Variants in GABRG3 observed in about 807,000 individuals in gnomAD.
The protein encoded by GABRG3 is gamma-aminobutyric acid type A receptor subunit gamma3.
GABRG3 carries 25 observed loss-of-function variants against 48.8 expected under a neutral mutation model. The observed-to-expected ratio is 0.51, with a 90% confidence interval of 0.37 to 0.72. The LOEUF (loss-of-function observed/expected upper bound fraction) is 0.72. Among genes scored for constraint, GABRG3 ranks in the 30% least tolerant of loss-of-function variants. The pLI is 0.00. For missense variants in GABRG3, 394 were observed against 577.9 expected (o/e 0.68, Z 3.26); for synonymous variants, 227 against 217.6 (o/e 1.04, Z -0.38).
chr15:27,270,586 G>A (rs1891051188), intron 3 of GABRG3, among the ~76,000 whole-genome samples: 1 of 152,194 alleles, frequency 6.6e-6, no homozygotes, highest in South Asian at 2.1e-4. Flanking sequence ...AGAGGCTAGG[G>A]AGGGCAGGGA....
intron 3 of GABRG3, among the ~76,000 whole-genome samples, chr15:27,085,359 GTGTGCTAT>G (rs1897058610): frequency 6.6e-6 from 1 of 152,174 alleles, no homozygotes; most frequent in African/African-American, 2.4e-5. Context: ...TTTTTAACCA[GTGTGCTAT>G]TGATGGTGTC....
chr15:27,431,891 TCTTTGAC>T (rs1392308910), intron 5 of GABRG3, among the ~76,000 whole-genome samples: 2 of 152,258 alleles, frequency 1.3e-5, no homozygotes, highest in Non-Finnish European at 2.9e-5. Context: ...TGGGATTTCT[TCTTTGAC>T]CTTTTATTCT....
intron 3 of GABRG3, among the ~76,000 whole-genome samples, chr15:27,281,480 T>A (rs1891431972): frequency 1.3e-5 from 2 of 151,772 alleles, no homozygotes; most frequent in African/African-American, 4.8e-5. Flanking sequence ...GTTAATTTTT[T>A]TTTTTTTACA....
At chr15:27,230,798 G>GA (rs5811482) in intron 3 of GABRG3, among the ~76,000 whole-genome samples, 3 of 151,096 alleles carry the variant, frequency 2.0e-5, no homozygotes, top group East Asian at 1.9e-4. Context: ...ACTTAGCTCA[G>GA]AAAAAAAAAT....
chr15:27,461,020 C>T (rs907795477), intron 5 of GABRG3, among the ~76,000 whole-genome samples: 1 of 152,202 alleles, frequency 6.6e-6, no homozygotes, highest in Admixed American at 6.5e-5. Flanking sequence ...TCTGTTTGCT[C>T]ATGCAAACTT....
chr15:27,405,424 TA>T (rs1887600987), intron 5 of GABRG3, among the ~76,000 whole-genome samples: 1 of 152,214 alleles, frequency 6.6e-6, no homozygotes, highest in African/African-American at 2.4e-5. Context: ...AAGATCCCAG[TA>T]AATATGAAGT....
intron 6 of GABRG3, among the ~76,000 whole-genome samples, chr15:27,518,382 ATGG>A (rs1368795412): frequency 1.3e-5 from 2 of 151,318 alleles, no homozygotes; most frequent in African/African-American, 2.4e-5. Flanking sequence ...AAAAAAAAAA[ATGG>A]GACATCAGTG....
chr15:27,419,688 C>G (rs1264852625), intron 5 of GABRG3, among the ~76,000 whole-genome samples: 1 of 152,170 alleles, frequency 6.6e-6, no homozygotes, highest in African/African-American at 2.4e-5. Context: ...ATGATTTTCA[C>G]TAAAGGAGAA....
At chr15:27,333,171 G>T (rs1893856394) in intron 5 of GABRG3, among the ~76,000 whole-genome samples, 1 of 152,172 alleles carries the variant, frequency 6.6e-6, no homozygotes, top group Non-Finnish European at 1.5e-5. Flanking sequence ...GAACCATAAA[G>T]AATATTCAAT....
chr15:26,975,584 A>T lies in GABRG3; in HGVS notation c.54-1418A>T, dbSNP rs1424451680. On this transcript the variant is annotated intron_variant, in intron 1 of 9. Transcript: ENST00000615808. The surrounding 1 kb of genome is among the most constrained non-coding windows in gnomAD (Gnocchi z 4.6). ...TTAACACGCTTTAAAAGACTCATGT[A>T]TATATTACATAAATATGCATGTGCA... 2.0e-5 allele frequency among the ~76,000 whole-genome samples: 3 copies of T among 152,236 alleles called. No homozygotes were observed. The highest frequency in any genetic ancestry group is 1.3e-4 in the Admixed American group (2 of 15,282).
At chr15:27,077,859 C>T (rs1325580529) in intron 3 of GABRG3, among the ~76,000 whole-genome samples, 2 of 152,178 alleles carry the variant, frequency 1.3e-5, no homozygotes, top group Non-Finnish European at 1.5e-5. Flanking sequence ...GATTGGGCCA[C>T]TGTGGAGGGC....
At chr15:27,193,690 T>TC (rs1233260397) in intron 3 of GABRG3, among the ~76,000 whole-genome samples, 1 of 152,200 alleles carries the variant, frequency 6.6e-6, no homozygotes, top group Non-Finnish European at 1.5e-5. Context: ...GCAATGCCTC[T>TC]CCCTGCTTCG....
intron 3 of GABRG3, among the ~76,000 whole-genome samples, chr15:27,222,300 A>C (rs1889478402): frequency 6.6e-6 from 1 of 152,220 alleles, no homozygotes; most frequent in Admixed American, 6.5e-5. Context: ...CAGTGCACCC[A>C]CATGCAAAAT....
chr15:27,067,385 T>G (rs932257526), intron 3 of GABRG3, among the ~76,000 whole-genome samples: 1 of 152,228 alleles, frequency 6.6e-6, no homozygotes, highest in African/African-American at 2.4e-5. Context: ...CCTCTCGTGA[T>G]GTATGATGGA....
chr15:26,992,810 T>C (rs1351237036), intron 2 of GABRG3, among the ~76,000 whole-genome samples: 1 of 152,132 alleles, frequency 6.6e-6, no homozygotes, highest in Non-Finnish European at 1.5e-5. Context: ...AAATATTTGG[T>C]AGAATTCAGC....
At chr15:27,235,617 A>C (rs1329114686) in intron 3 of GABRG3, among the ~76,000 whole-genome samples, 1 of 152,170 alleles carries the variant, frequency 6.6e-6, no homozygotes, top group Non-Finnish European at 1.5e-5. Context: ...CTTAGCTGGG[A>C]CTGCCTGTAA....
Position 27,298,938 on chromosome 15 carries a change from G to GAT in GABRG3, c.271-27871_271-27870insAT, listed in dbSNP as rs1892098044. ...AGCAAAAAATAAGTTCCTGTTCTGG[G>GAT]TTAAATGAACAACAACAACAAAAAA... On this transcript the variant is annotated intron_variant, in intron 3 of 9. Transcript: ENST00000615808. Among the ~76,000 whole-genome samples, 3 of 152,188 alleles carry GAT rather than the reference G, an allele frequency of 2.0e-5. No homozygotes were observed. In the South Asian group the frequency reaches 6.2e-4, roughly 32 times the overall value.
chr15:27,507,114 A>G (rs956424483), intron 6 of GABRG3, among the ~76,000 whole-genome samples: 7 of 152,182 alleles, frequency 4.6e-5, no homozygotes, highest in African/African-American at 7.2e-5. Flanking sequence ...ATTGTAAAAT[A>G]TTTGGAAAAC....
intron 2 of GABRG3, among the ~76,000 whole-genome samples, chr15:27,018,277 A>G (rs1895815492): frequency 6.6e-6 from 1 of 152,202 alleles, no homozygotes. Flanking sequence ...CTTATCATCA[A>G]ATCCTTTCAG....
Sources: allele counts gnomAD v4.1 joint callset (sites outside exome capture counted in the v4.1 genomes callset), GRCh38; gene constraint gnomAD v4.1.1; non-coding constraint Gnocchi (gnomAD v3.1); transcripts MANE v1.5; gene names NCBI Gene and HGNC (gene_info 2026-07-23, HGNC 2026-07-21).